DNAJC15: variants seen among roughly 807,000 people sequenced by gnomAD.
DNAJC15 encodes the protein DnaJ heat shock protein family (Hsp40) member C15.
A neutral mutation model predicts 22.4 loss-of-function variants in DNAJC15; 27 were observed. The ratio of observed to expected loss-of-function variants is 1.20; its 90% CI spans 0.89 to 1.66. The LOEUF is 1.66. Among genes scored for constraint, DNAJC15 ranks in the 40% most tolerant of loss-of-function variants. DNAJC15 has a pLI of 0.00. For synonymous variants in DNAJC15, 79 were observed against 63.2 expected (o/e 1.25, Z -1.19); for missense variants, 208 against 187.1 (o/e 1.11, Z -0.65).
chr13:43,083,345 T>C (rs1184208256), intron 4 of DNAJC15, among the ~76,000 whole-genome samples: 1 of 152,000 alleles, frequency 6.6e-6, no homozygotes, highest in Non-Finnish European at 1.5e-5. Flanking sequence ...TTTTTTGTAG[T>C]TTTAGTAGAG....
chr13:43,091,043 A>G (rs2040712422), intron 5 of DNAJC15, among the ~76,000 whole-genome samples: 1 of 151,888 alleles, frequency 6.6e-6, no homozygotes, highest in Admixed American at 6.6e-5. Flanking sequence ...CTTTGTGGGA[A>G]GGTTTAAAAT....
In DNAJC15 at chr13:43,025,881, G is replaced by C. The variant is rs558932488; in HGVS notation, c.108+2147G>C. ...ATCATGCCACTGCACTCCAGCCTGG[G>C]CGACAGAGCGAGACTTTGTCTCAAA... On this transcript the variant is annotated intron_variant, in intron 1 of 5. Transcript: ENST00000379221. 7.2e-5 allele frequency among the ~76,000 whole-genome samples: 11 copies of C among 152,334 alleles called. No individual in the cohort carries two copies. In the South Asian group the frequency reaches 2.3e-3, roughly 32 times the overall value.
intron 1 of DNAJC15, among the ~76,000 whole-genome samples, chr13:43,064,365 C>T (rs1164228068): frequency 6.6e-6 from 1 of 152,218 alleles, no homozygotes; most frequent in African/African-American, 2.4e-5. Context: ...ACTTGAATGC[C>T]AATGGCTGAA....
In DNAJC15 at chr13:43,028,745, CT is replaced by C. The variant is rs2040391696; in HGVS notation, c.108+5015del. 1.3e-5 allele frequency among the ~76,000 whole-genome samples: 2 copies of C among 152,118 alleles called. 1 individual carries two copies. Among genetic ancestry groups the C allele is most frequent in the South Asian group, 4.1e-4 (2 of 4,822 alleles). ...TACTAGAGCTTTCTCTTCTGAAATT[CT>C]TTTCCTGGCTAACTCCTATTCATTT... On this transcript the variant is annotated intron_variant, in intron 1 of 5. Coordinates refer to ENST00000379221, the MANE Select transcript of DNAJC15 (RefSeq NM_013238.3).
intron 1 of DNAJC15, among the ~76,000 whole-genome samples, chr13:43,041,313 C>G (rs1035768430): frequency 6.6e-6 from 1 of 152,224 alleles, no homozygotes; most frequent in Non-Finnish European, 1.5e-5. Flanking sequence ...GCACATCTTG[C>G]ACAGCCCTTA....
chr13:43,077,982 A>G (rs1175136100), intron 3 of DNAJC15, among the ~76,000 whole-genome samples: 2 of 152,174 alleles, frequency 1.3e-5, no homozygotes, highest in Admixed American at 6.5e-5. Context: ...TGGCAGTTAG[A>G]TTAAATCGAA....
intron 1 of DNAJC15, among the ~76,000 whole-genome samples, chr13:43,054,577 T>C (rs1319027956): frequency 6.6e-6 from 1 of 152,200 alleles, no homozygotes; most frequent in Non-Finnish European, 1.5e-5. Flanking sequence ...CATTTCAGTC[T>C]CACTTATTGT....
At chr13:43,100,964 C>T (rs1338038365) in intron 5 of DNAJC15, among the ~76,000 whole-genome samples, 1 of 152,030 alleles carries the variant, frequency 6.6e-6, no homozygotes, top group East Asian at 1.9e-4. Context: ...TACAGTTGTC[C>T]CATCTTCCAG....
chr13:43,088,122 A>C (rs2040697887), intron 5 of DNAJC15, among the ~76,000 whole-genome samples: 1 of 152,184 alleles, frequency 6.6e-6, no homozygotes, highest in Non-Finnish European at 1.5e-5. Context: ...ATGCAGTCTT[A>C]ATCAATGTGT....
chr13:43,061,078 T>A (rs2040556700), intron 1 of DNAJC15, among the ~76,000 whole-genome samples: 1 of 152,266 alleles, frequency 6.6e-6, no homozygotes, highest in South Asian at 2.1e-4. Flanking sequence ...GAGGATAGAT[T>A]TCCACGATGG....
At chr13:43,075,833 T>C (rs2040631366) in intron 3 of DNAJC15, among the ~76,000 whole-genome samples, 1 of 152,094 alleles carries the variant, frequency 6.6e-6, no homozygotes. Flanking sequence ...CAGCTAAGTT[T>C]TTGTATCTTT....
chr13:43,072,234 ATGT>A (rs1444599117), intron 3 of DNAJC15, among the ~76,000 whole-genome samples: 2 of 152,162 alleles, frequency 1.3e-5, no homozygotes, highest in East Asian at 1.9e-4. Flanking sequence ...TTTCTTACTG[ATGT>A]TCTGGAATTT....
intron 3 of DNAJC15, among the ~76,000 whole-genome samples, chr13:43,073,410 TTC>T (rs1442142569): frequency 1.3e-5 from 2 of 152,208 alleles, no homozygotes; most frequent in Non-Finnish European, 2.9e-5. Flanking sequence ...GCCTCTTTGG[TTC>T]TCTTAGTACC....
At chr13:43,027,957 T>A (rs1438445810) in intron 1 of DNAJC15, among the ~76,000 whole-genome samples, 1 of 152,186 alleles carries the variant, frequency 6.6e-6, no homozygotes, top group Non-Finnish European at 1.5e-5. Context: ...GCACCCGGCC[T>A]AACTGATTCT....
At chr13:43,101,481 T>G (rs1342399098) in intron 5 of DNAJC15, among the ~76,000 whole-genome samples, 1 of 152,242 alleles carries the variant, frequency 6.6e-6, no homozygotes, top group African/African-American at 2.4e-5. Flanking sequence ...AAAGCTTTTT[T>G]GTGGTGATTT....
At chr13:43,060,109 T>G (rs2040551410) in intron 1 of DNAJC15, among the ~76,000 whole-genome samples, 1 of 152,222 alleles carries the variant, frequency 6.6e-6, no homozygotes. Context: ...CATTCCTGTC[T>G]TCTTATATTA....
chr13:43,035,915 G>T (rs2040426730), intron 1 of DNAJC15, among the ~76,000 whole-genome samples: 1 of 151,800 alleles, frequency 6.6e-6, no homozygotes, highest in Admixed American at 6.6e-5. Context: ...TGGTAGAGAT[G>T]GGGGTCTTGC....
At position 43,110,984 on chromosome 13, in the gene DNAJC15, A is replaced by G. The variant is rs757412222; in HGVS notation, c.*3736A>G. ...TATTGCAGTTTCTGTGCATACTTAC[A>G]TCTTAGATGCAATCTGAGGGCCTAG... On this transcript the variant is annotated 3_prime_UTR_variant, in exon 6 of 6. Coordinates refer to ENST00000379221, the MANE Select transcript of DNAJC15 (RefSeq NM_013238.3). The G allele has an allele frequency of 9.2e-5, 14 of 152,244 alleles. No individual in the cohort carries two copies. Among genetic ancestry groups the G allele is most frequent in the Non-Finnish European group, 2.1e-4 (14 of 68,050 alleles). The allele number at this position is 152,244 out of a possible 1,614,324, so 9.4% of individuals were successfully genotyped here. A position where few individuals can be genotyped will look rare whatever the true frequency, so the allele number is the denominator to read the frequency against.
At chr13:43,105,310 C>G (rs1350563231) in intron 5 of DNAJC15, among the ~76,000 whole-genome samples, 1 of 152,118 alleles carries the variant, frequency 6.6e-6, no homozygotes, top group African/African-American at 2.4e-5. Flanking sequence ...GAAAGCCTTT[C>G]TCTCATTTCA....
Sources: allele counts gnomAD v4.1 joint callset (sites outside exome capture counted in the v4.1 genomes callset), GRCh38; gene constraint gnomAD v4.1.1; transcripts MANE v1.5; gene names NCBI Gene and HGNC (gene_info 2026-07-23, HGNC 2026-07-21).